Variants in NRG1 observed in about 807,000 individuals in gnomAD.
NRG1 encodes the protein neuregulin 1, also known as pro-neuregulin-1, membrane-bound isoform.
A neutral mutation model predicts 63.8 loss-of-function variants in NRG1; 18 were observed. The ratio of observed to expected loss-of-function variants is 0.28; its 90% CI spans 0.19 to 0.42. The LOEUF is 0.42. Among genes scored for constraint, NRG1 ranks in the 10% least tolerant of loss-of-function variants. NRG1 has a pLI of 1.00. For synonymous variants in NRG1, 302 were observed against 301.3 expected, an observed-to-expected ratio of 1.00 and a Z score of -0.02; for missense variants, 762 against 814.7, an observed-to-expected ratio of 0.94 and a Z score of 0.79.
chr8:32,412,443 T>TATATAC (rs1815188513), intron 1 of NRG1, among the ~76,000 whole-genome samples: 1 of 54,546 alleles, frequency 1.8e-5, no homozygotes, highest in African/African-American at 5.1e-5. Context: ...TATATATATA[T>TATATAC]ATATATATAC....
Position 31,675,031 on chromosome 8 carries a change from G to T in NRG1, c.37+35600G>T, listed in dbSNP as rs1585578504. Among the ~76,000 whole-genome samples the T allele has an allele frequency of 2.0e-5, 3 of 152,252 alleles. No individual in the cohort carries two copies. The South Asian group carries it at 6.2e-4, about 32-fold the overall frequency. Reference sequence around the variant, plus strand: ...ATGTCAGGACAGCAGTTCACACTCAGCCACATCCCATTAAAAGAAATAAAA... The same window carrying T: ...ATGTCAGGACAGCAGTTCACACTCATCCACATCCCATTAAAAGAAATAAAA... On this transcript the variant is annotated intron_variant, in intron 1 of 10. Coordinates refer to the NRG1 transcript ENST00000519301.
chr8:32,716,223 A>G (rs2919377), intron 5 of NRG1, among the ~76,000 whole-genome samples: 136,281 of 152,226 alleles, frequency 0.9, 61,992 homozygotes, highest in Middle Eastern at 0.99. Flanking sequence ...CCTGCTACAC[A>G]TATTTTGCAT....
intron 1 of NRG1, among the ~76,000 whole-genome samples, chr8:32,391,531 T>C (rs1477214720): frequency 6.6e-6 from 1 of 152,106 alleles, no homozygotes; most frequent in African/African-American, 2.4e-5. Flanking sequence ...CACGCCCAGA[T>C]AGACACCAGG....
At chr8:32,547,425 G>A (rs1466986439), upstream of NRG1, among the ~76,000 whole-genome samples, 1 of 152,046 alleles carries the variant, frequency 6.6e-6, no homozygotes, top group African/African-American at 2.4e-5. Flanking sequence ...GACTTTCAGC[G>A]GCTGCAGTAA....
intron 1 of NRG1, among the ~76,000 whole-genome samples, chr8:31,906,418 A>C (rs534042886): frequency 1.6e-4 from 25 of 152,294 alleles, no homozygotes; most frequent in African/African-American, 5.5e-4. Context: ...TGGAAGCTGG[A>C]GATGGAGATC....
chr8:32,364,914 C>T (rs1029739632), intron 1 of NRG1, among the ~76,000 whole-genome samples: 1 of 145,182 alleles, frequency 6.9e-6, no homozygotes, highest in Admixed American at 6.9e-5. Context: ...TAATTTTTAG[C>T]TTTTATTCAT....
intron 5 of NRG1, among the ~76,000 whole-genome samples, chr8:32,700,221 T>C (rs1211100389): frequency 6.6e-6 from 1 of 152,168 alleles, no homozygotes; most frequent in African/African-American, 2.4e-5. Flanking sequence ...TCCCCATATA[T>C]ATTGGTATAT....
chr8:32,451,475 G>A (rs1351704584), intron 1 of NRG1, among the ~76,000 whole-genome samples: 1 of 152,138 alleles, frequency 6.6e-6, no homozygotes. Flanking sequence ...CCGGGGAGGG[G>A]GATTCTTCCC....
At chr8:32,034,415 T>C (rs1818730081) in intron 1 of NRG1, among the ~76,000 whole-genome samples, 1 of 152,206 alleles carries the variant, frequency 6.6e-6, no homozygotes, top group Non-Finnish European at 1.5e-5. Context: ...AGTTTTCTTT[T>C]TTTGCTGTTA....
rs1286174404 is a variant in NRG1 at position 31,690,006 on chromosome 8, C to T, written c.37+50575C>T. ...TGTAGTTCCCATAATCCCCACGTGTCGTGGGAGGGACCCTGTGGGAGGTAA... is the reference window on the plus strand; with the variant it reads ...TGTAGTTCCCATAATCCCCACGTGTTGTGGGAGGGACCCTGTGGGAGGTAA... On this transcript the variant is annotated intron_variant, in intron 1 of 10. Coordinates refer to the NRG1 transcript ENST00000519301. 2.6e-5 allele frequency among the ~76,000 whole-genome samples: 4 copies of T among 152,172 alleles called. No homozygotes were observed. In the South Asian group the frequency reaches 6.2e-4, roughly 24 times the overall value.
intron 6 of NRG1, among the ~76,000 whole-genome samples, chr8:32,737,527 G>T (rs568129071): frequency 1.3e-5 from 2 of 151,082 alleles, no homozygotes; most frequent in Non-Finnish European, 2.9e-5. Flanking sequence ...CTCCAGCCTG[G>T]GTGACAGAGC....
chr8:31,922,563 C>T (rs562436989), intron 1 of NRG1, among the ~76,000 whole-genome samples: 1 of 152,184 alleles, frequency 6.6e-6, no homozygotes, highest in South Asian at 2.1e-4. Flanking sequence ...AAATTAAGAC[C>T]TCTAGGTTTA....
intron 1 of NRG1, among the ~76,000 whole-genome samples, chr8:32,205,131 AT>A (rs2132327559): frequency 6.6e-6 from 1 of 152,280 alleles, no homozygotes; most frequent in East Asian, 1.9e-4. Flanking sequence ...AGGCTTAGAG[AT>A]GTGTAGGAAA....
At chr8:32,064,715 G>T (rs1197897262) in intron 1 of NRG1, among the ~76,000 whole-genome samples, 2 of 152,100 alleles carry the variant, frequency 1.3e-5, no homozygotes, top group Non-Finnish European at 2.9e-5. Context: ...TGGGGGAAAT[G>T]ACTCATTTAC....
chr8:32,481,275 C>A (rs1288190830), intron 1 of NRG1, among the ~76,000 whole-genome samples: 1 of 151,940 alleles, frequency 6.6e-6, no homozygotes, highest in Non-Finnish European at 1.5e-5. Context: ...GCCTGGCAGG[C>A]GGAGGTTGCA....
chr8:32,447,857 A>G (rs902584780), intron 1 of NRG1, among the ~76,000 whole-genome samples: 30 of 152,254 alleles, frequency 2.0e-4, no homozygotes, highest in Non-Finnish European at 3.1e-4. Flanking sequence ...TCAAAAAAAA[A>G]AAAAAAATAC....
intron 5 of NRG1, among the ~76,000 whole-genome samples, chr8:32,663,835 T>G (rs1803473561): frequency 6.6e-6 from 1 of 152,150 alleles, no homozygotes; most frequent in Admixed American, 6.6e-5. Flanking sequence ...GCCTGCAGTC[T>G]CTTTACATCC....
At chr8:31,971,714 TA>T (rs373312036) in intron 1 of NRG1, among the ~76,000 whole-genome samples, 2,461 of 151,114 alleles carry the variant, frequency 0.016, 37 homozygotes, top group South Asian at 0.028. Context: ...TTAAATTGTT[TA>T]AAAAAAAACA....
intron 1 of NRG1, among the ~76,000 whole-genome samples, chr8:32,084,877 G>A (rs1827990138): frequency 6.6e-6 from 1 of 152,152 alleles, no homozygotes; most frequent in Non-Finnish European, 1.5e-5. Context: ...CTACTTTTCT[G>A]TAAAGAGTAA....
Sources: allele counts gnomAD v4.1 joint callset (sites outside exome capture counted in the v4.1 genomes callset), GRCh38; gene constraint gnomAD v4.1.1; transcripts MANE v1.5; gene names NCBI Gene and HGNC (gene_info 2026-07-23, HGNC 2026-07-21).